ACYP2: variants seen among roughly 807,000 people sequenced by gnomAD.
ACYP2 encodes the protein acylphosphatase 2.
ACYP2 carries 12 observed loss-of-function variants against 11.2 expected under a neutral mutation model. That is an observed-to-expected ratio of 1.08 (90% CI 0.69 to 1.74). ACYP2 has a LOEUF of 1.74. ACYP2 is among the 40% of genes most tolerant of loss of function. The probability of loss-of-function intolerance (pLI) is 0.00; values close to 1 mark genes in which losing one functional copy is unlikely to be tolerated. For synonymous variants in ACYP2, 43 were observed against 32.2 expected (o/e 1.33, Z -1.13); for missense variants, 134 against 101.9 (o/e 1.31, Z -1.35).
At chr2:54,258,156 T>C (rs1687636814) in intron 6 of ACYP2, among the ~76,000 whole-genome samples, 1 of 152,004 alleles carries the variant, frequency 6.6e-6, no homozygotes, top group Non-Finnish European at 1.5e-5. Flanking sequence ...GAAACCAATA[T>C]TGCACATTAG....
chr2:54,021,151 C>A (rs982943993), intron 2 of ACYP2, among the ~76,000 whole-genome samples: 1 of 152,034 alleles, frequency 6.6e-6, no homozygotes, highest in Admixed American at 6.6e-5. Flanking sequence ...TTTTAAGGAG[C>A]AGGCATACGA....
intron 6 of ACYP2, among the ~76,000 whole-genome samples, chr2:54,218,902 G>A (rs1231996165): frequency 6.6e-6 from 1 of 152,114 alleles, no homozygotes; most frequent in African/African-American, 2.4e-5. Flanking sequence ...GGTCAAACGG[G>A]CATCTTCCAG....
chr2:54,136,655 C>G (rs746954755), intron 5 of ACYP2, among the ~76,000 whole-genome samples: 2 of 152,160 alleles, frequency 1.3e-5, no homozygotes, highest in Non-Finnish European at 2.9e-5. Flanking sequence ...TCACCCTGGC[C>G]TCCATACAGG....
chr2:54,123,685 G>C (rs1680287743), intron 4 of ACYP2, among the ~76,000 whole-genome samples: 1 of 151,942 alleles, frequency 6.6e-6, no homozygotes, highest in Non-Finnish European at 1.5e-5. Flanking sequence ...CAGGGACAAA[G>C]TCTCTGATGT....
At chr2:54,155,153 T>C (rs1454931926) in intron 6 of ACYP2, among the ~76,000 whole-genome samples, 3 of 152,152 alleles carry the variant, frequency 2.0e-5, no homozygotes, top group Non-Finnish European at 2.9e-5. Flanking sequence ...CTCTTTTATT[T>C]CTCATTTTAT....
At chr2:54,015,800 C>T (rs1673654504) in intron 2 of ACYP2, among the ~76,000 whole-genome samples, 1 of 152,054 alleles carries the variant, frequency 6.6e-6, no homozygotes, top group Non-Finnish European at 1.5e-5. Context: ...CTGTAATCTA[C>T]TCTGTAATCT....
At chr2:54,048,025 T>C (rs13414393) in intron 2 of ACYP2, among the ~76,000 whole-genome samples, 69,952 of 152,108 alleles carry the variant, frequency 0.46, 16,399 homozygotes, top group East Asian at 0.7. Context: ...CACTAAGCAT[T>C]GTAACCTTGG....
intron 4 of ACYP2, among the ~76,000 whole-genome samples, chr2:54,060,336 T>C (rs1676397560): frequency 6.6e-6 from 1 of 152,134 alleles, no homozygotes; most frequent in Non-Finnish European, 1.5e-5. Context: ...TATTGACTTT[T>C]TTTGTTTCAT....
At chr2:54,225,793 T>C (rs1224995359) in intron 6 of ACYP2, among the ~76,000 whole-genome samples, 1 of 152,194 alleles carries the variant, frequency 6.6e-6, no homozygotes, top group Non-Finnish European at 1.5e-5. Context: ...TAAGTATTTT[T>C]TTTTTACTTG....
At chr2:53,980,261 G>A (rs754188074) in intron 2 of ACYP2, among the ~76,000 whole-genome samples, 6 of 152,106 alleles carry the variant, frequency 3.9e-5, no homozygotes, top group Non-Finnish European at 8.8e-5. Context: ...GCTGAAGTGG[G>A]AGGACTGCTT....
intron 6 of ACYP2, among the ~76,000 whole-genome samples, chr2:54,180,304 T>C (rs748884933): frequency 4.4e-4 from 67 of 152,216 alleles, no homozygotes; most frequent in Non-Finnish European, 2.5e-4. Flanking sequence ...GATTAATCAT[T>C]GGCCATTGGA....
At chr2:53,992,408 G>A (rs966893249) in intron 2 of ACYP2, among the ~76,000 whole-genome samples, 4 of 152,162 alleles carry the variant, frequency 2.6e-5, no homozygotes, top group African/African-American at 9.7e-5. Flanking sequence ...ATGGACTATA[G>A]ATTATAAGGG....
intron 6 of ACYP2, among the ~76,000 whole-genome samples, chr2:54,219,944 G>A (rs1685733809): frequency 7.8e-6 from 1 of 128,406 alleles, no homozygotes; most frequent in South Asian, 2.7e-4. Flanking sequence ...TTTTTGCCAT[G>A]TTGGGCAGGC....
chr2:54,178,385 G>C (rs1215150), intron 6 of ACYP2, among the ~76,000 whole-genome samples: 1 of 151,856 alleles, frequency 6.6e-6, no homozygotes, highest in South Asian at 2.1e-4. Flanking sequence ...GATTTGTTCT[G>C]ATCCACCTGA....
intron 6 of ACYP2, among the ~76,000 whole-genome samples, chr2:54,252,988 G>T (rs1177403874): frequency 1.3e-5 from 2 of 151,982 alleles, no homozygotes; most frequent in Non-Finnish European, 1.5e-5. Flanking sequence ...GCTGAGGCAG[G>T]TGAATCATGA....
At chr2:53,996,674 T>G (rs1048107060) in intron 2 of ACYP2, among the ~76,000 whole-genome samples, 3 of 152,150 alleles carry the variant, frequency 2.0e-5, no homozygotes, top group Non-Finnish European at 4.4e-5. Context: ...CTAAGTGTAT[T>G]CTTTCAGCTA....
intron 6 of ACYP2, among the ~76,000 whole-genome samples, chr2:54,144,534 C>T (rs562117856): frequency 7.9e-5 from 12 of 151,928 alleles, no homozygotes; most frequent in Non-Finnish European, 1.3e-4. Flanking sequence ...ATTAGCCAGG[C>T]GTGGTGGTAC....
At chr2:54,158,797 A>G (rs1682565783) in intron 6 of ACYP2, among the ~76,000 whole-genome samples, 1 of 152,190 alleles carries the variant, frequency 6.6e-6, no homozygotes. Flanking sequence ...AAAAAATTGT[A>G]TTGATTTAAG....
chr2:54,002,611 C>G (rs1672855525), intron 2 of ACYP2, among the ~76,000 whole-genome samples: 1 of 149,752 alleles, frequency 6.7e-6, no homozygotes, highest in Non-Finnish European at 1.5e-5. Context: ...TCCCAAAGTG[C>G]TAGGATTATA....
Sources: gnomAD v4.1 joint callset for allele counts (sites outside exome capture counted in the v4.1 genomes callset) on GRCh38, gnomAD v4.1.1 for gene constraint, MANE v1.5 for transcripts, NCBI Gene and HGNC (gene_info 2026-07-23, HGNC 2026-07-21) for gene names.